MDGA2: variants seen among roughly 807,000 people sequenced by gnomAD.
The protein encoded by MDGA2 is MAM domain-containing glycosylphosphatidylinositol anchor protein 2.
A neutral mutation model predicts 117.8 loss-of-function variants in MDGA2; 40 were observed. The ratio of observed to expected loss-of-function variants is 0.34; its 90% CI spans 0.26 to 0.44. The LOEUF (loss-of-function observed/expected upper bound fraction) is 0.44. Among genes scored for constraint, MDGA2 ranks in the 20% least tolerant of loss-of-function variants. The pLI is 1.00. For synonymous variants in MDGA2, 452 were observed against 439.0 expected (o/e 1.03, Z -0.37); for missense variants, 1,123 against 1,250.6 (o/e 0.90, Z 1.54).
intron 1 of MDGA2, among the ~76,000 whole-genome samples, chr14:47,538,743 G>C (rs999810247): frequency 2.6e-5 from 4 of 152,040 alleles, no homozygotes; most frequent in African/African-American, 9.7e-5. Context: ...TATTTGAAAG[G>C]TAAAAATCCC....
chr14:47,230,504 C>T (rs1008051010), intron 2 of MDGA2, among the ~76,000 whole-genome samples: 1 of 151,894 alleles, frequency 6.6e-6, no homozygotes, highest in Non-Finnish European at 1.5e-5. Context: ...GAAACATCTG[C>T]CCCTCTGCAT....
chr14:46,847,966 G>A (rs1880908568), intron 15 of MDGA2, among the ~76,000 whole-genome samples: 1 of 151,976 alleles, frequency 6.6e-6, no homozygotes. Flanking sequence ...ACCTGATAGA[G>A]AGTCAATGTT....
intron 1 of MDGA2, among the ~76,000 whole-genome samples, chr14:47,369,662 T>A (rs909874827): frequency 3.3e-5 from 5 of 152,152 alleles, no homozygotes; most frequent in Non-Finnish European, 7.3e-5. Context: ...TTGCATTTCA[T>A]TTAATTATAA....
At chr14:47,004,631 CA>C (rs1455207518) in intron 8 of MDGA2, among the ~76,000 whole-genome samples, 3 of 151,648 alleles carry the variant, frequency 2.0e-5, no homozygotes, top group Non-Finnish European at 4.4e-5. Flanking sequence ...TCTAGAATTT[CA>C]AATGAGCTTG....
chr14:47,507,523 G>C (rs1196861271), intron 1 of MDGA2, among the ~76,000 whole-genome samples: 2 of 152,116 alleles, frequency 1.3e-5, no homozygotes, highest in Non-Finnish European at 2.9e-5. Context: ...AGCCATGTTT[G>C]ATCCTAACTA....
chr14:47,439,215 G>T (rs1457451959), intron 1 of MDGA2, among the ~76,000 whole-genome samples: 1 of 152,016 alleles, frequency 6.6e-6, no homozygotes, highest in East Asian at 1.9e-4. Flanking sequence ...TATATAGCAG[G>T]TTATATTGAG....
At chr14:47,202,455 C>T (rs1162414126) in intron 3 of MDGA2, among the ~76,000 whole-genome samples, 3 of 152,092 alleles carry the variant, frequency 2.0e-5, no homozygotes, top group Admixed American at 2.0e-4. Flanking sequence ...TTATCAGGCA[C>T]CAACCCATGT....
At chr14:47,149,049 G>A (rs1192961308) in intron 3 of MDGA2, among the ~76,000 whole-genome samples, 1 of 152,152 alleles carries the variant, frequency 6.6e-6, no homozygotes, top group African/African-American at 2.4e-5. Context: ...CAGCAGTTTG[G>A]GAGACCAAGG....
At chr14:47,024,035 T>G (rs1888384693) in intron 8 of MDGA2, among the ~76,000 whole-genome samples, 1 of 152,172 alleles carries the variant, frequency 6.6e-6, no homozygotes, top group African/African-American at 2.4e-5. Flanking sequence ...TTAGCAGGAA[T>G]GAGTGTTCAC....
intron 2 of MDGA2, among the ~76,000 whole-genome samples, chr14:47,275,148 T>C (rs1888269639): frequency 6.6e-6 from 1 of 152,196 alleles, no homozygotes; most frequent in South Asian, 2.1e-4. Context: ...AGCTTAGGTT[T>C]GAATGATGAG....
intron 1 of MDGA2, among the ~76,000 whole-genome samples, chr14:47,383,755 C>T (rs1200224927): frequency 2.6e-5 from 4 of 151,832 alleles, no homozygotes; most frequent in Non-Finnish European, 5.9e-5. Flanking sequence ...CAACTCCTGA[C>T]CTCCTGTGAT....
At chr14:47,595,061 T>C (rs1481215789) in intron 1 of MDGA2, among the ~76,000 whole-genome samples, 1 of 152,124 alleles carries the variant, frequency 6.6e-6, no homozygotes, top group Non-Finnish European at 1.5e-5. Flanking sequence ...CCCAGACTGA[T>C]ATACACGTGC....
intron 1 of MDGA2, among the ~76,000 whole-genome samples, chr14:47,493,916 T>C (rs1894225479): frequency 6.6e-6 from 1 of 152,152 alleles, no homozygotes; most frequent in Non-Finnish European, 1.5e-5. Context: ...TCATCCAAAA[T>C]TTCATCTTGA....
At chr14:47,048,172 T>A (rs1318387909) in intron 7 of MDGA2, among the ~76,000 whole-genome samples, 1 of 152,108 alleles carries the variant, frequency 6.6e-6, no homozygotes, top group Non-Finnish European at 1.5e-5. Flanking sequence ...ATGTCAGTGC[T>A]GTCCATTTTT....
intron 1 of MDGA2, among the ~76,000 whole-genome samples, chr14:47,379,667 G>A (rs937427489): frequency 6.6e-6 from 1 of 152,160 alleles, no homozygotes; most frequent in Admixed American, 6.5e-5. Flanking sequence ...AACGAGAAGA[G>A]CTAACTATCC....
intron 1 of MDGA2, among the ~76,000 whole-genome samples, chr14:47,506,477 C>T (rs10148807): frequency 0.1 from 15,647 of 152,118 alleles, 905 homozygotes; most frequent in Middle Eastern, 0.15. Context: ...CCCCGGACTT[C>T]GTATGTTTCT....
intron 1 of MDGA2, among the ~76,000 whole-genome samples, chr14:47,504,749 T>C (rs757104243): frequency 2.6e-5 from 4 of 152,130 alleles, no homozygotes; most frequent in Non-Finnish European, 5.9e-5. Flanking sequence ...GTTCGTGGGA[T>C]AGTAAACTAG....
At chr14:47,200,534 C>CTTTTTTTTTTTTTTTTTTTTTT (rs10639284) in intron 3 of MDGA2, 6 of 421,910 alleles carry the variant, frequency 1.4e-5, no homozygotes, top group East Asian at 4.2e-5. Flanking sequence ...TTTTTCTTTT[C>CTTTTTTTTTTTTTTTTTTTTTT]TTTTTTTTTT....
intron 1 of MDGA2, among the ~76,000 whole-genome samples, chr14:47,591,313 G>C (rs1387718486): frequency 1.3e-5 from 2 of 152,020 alleles, no homozygotes; most frequent in Non-Finnish European, 2.9e-5. Context: ...GCCATGCAAA[G>C]GCAGCAGTTT....
Sources: allele counts gnomAD v4.1 joint callset (sites outside exome capture counted in the v4.1 genomes callset), GRCh38; gene constraint gnomAD v4.1.1; transcripts MANE v1.5; gene names NCBI Gene and HGNC (gene_info 2026-07-23, HGNC 2026-07-21).